The following ZC2HC1B variants were observed in gnomAD, a reference collection of about 807,000 sequenced individuals.
The protein encoded by ZC2HC1B is zinc finger C2HC domain-containing protein 1B.
ZC2HC1B carries 36 observed loss-of-function variants against 31.0 expected under a neutral mutation model. That is an observed-to-expected ratio of 1.16 (90% CI 0.89 to 1.54). The LOEUF (loss-of-function observed/expected upper bound fraction) is 1.54, where lower values mean the gene tolerates loss of function less well. Ranked by LOEUF, ZC2HC1B falls within the 40% of genes most tolerant of loss-of-function variation. The pLI, the probability that ZC2HC1B is intolerant of heterozygous loss-of-function variation, is 0.00. For synonymous variants in ZC2HC1B, 73 were observed against 88.0 expected (o/e 0.83, Z 0.95); for missense variants, 260 against 268.6 (o/e 0.97, Z 0.22).
chr6:143,890,519 C>T (rs1338885847), intron 4 of ZC2HC1B, among the ~76,000 whole-genome samples: 1 of 151,922 alleles, frequency 6.6e-6, no homozygotes, highest in African/African-American at 2.4e-5. Context: ...GAACACTTTC[C>T]CACTGAGATC....
intron 5 of ZC2HC1B, among the ~76,000 whole-genome samples, chr6:143,901,999 G>T (rs774967636): frequency 5.3e-5 from 8 of 152,236 alleles, no homozygotes; most frequent in Non-Finnish European, 1.0e-4. Flanking sequence ...GCAAACGGAA[G>T]TGTTTTTATT....
chr6:143,924,311 A>G lies in ZC2HC1B; in HGVS notation c.599-13338A>G, dbSNP rs1778011843. Among the ~76,000 whole-genome samples the G allele has an allele frequency of 1.3e-5, 2 of 151,492 alleles. No homozygotes were observed. The highest frequency in any genetic ancestry group is 4.8e-5 in the African/African-American group (2 of 41,282). ...TGTATCCTGCAATTTTACTAAATTC[A>G]TTTATTCTAGGAGTGTTTTTGGTGG... is the stretch of plus-strand genomic sequence containing the variant. On this transcript the variant is annotated intron_variant, in intron 6 of 7. Coordinates refer to ENST00000237275, the MANE Select transcript of ZC2HC1B (RefSeq NM_001013623.3). The surrounding 1 kb of genome is among the most constrained non-coding windows in gnomAD (Gnocchi z 5.2).
At chr6:143,920,876 A>G (rs905131065) in intron 6 of ZC2HC1B, among the ~76,000 whole-genome samples, 1 of 149,696 alleles carries the variant, frequency 6.7e-6, no homozygotes, top group African/African-American at 2.5e-5. Context: ...ACTGCACTCC[A>G]GCCTGACAAC....
chr6:143,918,614 G>A lies in ZC2HC1B; in HGVS notation c.598+15462G>A, dbSNP rs1166367108. On this transcript the variant is annotated intron_variant, in intron 6 of 7. Transcript: ENST00000237275. The surrounding 1 kb of genome is among the most constrained non-coding windows in gnomAD (Gnocchi z 4.1). The stretch of plus-strand genomic sequence containing the variant: ...TATAGTCATGTCTTTTGTTAAATCT[G>A]GCAAGTTTTCAGCCATTATTTCTCT... Among the ~76,000 whole-genome samples the A allele has an allele frequency of 6.6e-6, 1 of 152,026 alleles. No individual in the cohort carries two copies. The highest frequency in any genetic ancestry group is 1.5e-5 in the Non-Finnish European group (1 of 68,018).
intron 4 of ZC2HC1B, among the ~76,000 whole-genome samples, chr6:143,894,669 T>C (rs940153806): frequency 6.6e-6 from 1 of 152,220 alleles, no homozygotes; most frequent in Non-Finnish European, 1.5e-5. Context: ...AGTAGAAAGA[T>C]CTGTGCTGTG....
At position 143,898,825 on chromosome 6, in the gene ZC2HC1B, C is replaced by T. The variant is rs866280147; in HGVS notation, c.489+134C>T. On this transcript the variant is annotated intron_variant, in intron 5 of 7. Transcript: ENST00000237275. ...GAAGAGAGCTGATCATGATTGCTCA[C>T]CCCTGTGGGAGCTGACTTCTTTTGC... The T allele has an allele frequency of 3.9e-5, 45 of 1,163,612 alleles. No individual in the cohort carries two copies. The Middle Eastern group carries it at 2.2e-3, about 56-fold the overall frequency. The allele number at this position is 1,163,612 out of a possible 1,614,324, so 72.1% of individuals were successfully genotyped here. A position where few individuals can be genotyped will look rare whatever the true frequency, so the allele number is the denominator to read the frequency against.
chr6:143,900,073 C>A (rs937364759), intron 5 of ZC2HC1B, among the ~76,000 whole-genome samples: 3 of 151,986 alleles, frequency 2.0e-5, no homozygotes, highest in African/African-American at 7.3e-5. Context: ...ATCTGGGGAG[C>A]GAAAGCATAG....
chr6:143,925,697 A>C (rs1266127409), intron 6 of ZC2HC1B, among the ~76,000 whole-genome samples: 1 of 151,480 alleles, frequency 6.6e-6, no homozygotes, highest in African/African-American at 2.4e-5. Context: ...CCATCACACC[A>C]GGCTAATTTT....
intron 4 of ZC2HC1B, among the ~76,000 whole-genome samples, chr6:143,892,418 C>T (rs1777611519): frequency 6.6e-6 from 1 of 151,946 alleles, no homozygotes; most frequent in African/African-American, 2.4e-5. Context: ...ACCTCAGCCT[C>T]CTGAGTAGCT....
intron 1 of ZC2HC1B, among the ~76,000 whole-genome samples, chr6:143,873,829 C>T (rs1010765862): frequency 2.0e-5 from 3 of 152,174 alleles, no homozygotes; most frequent in Non-Finnish European, 4.4e-5. Flanking sequence ...GACCTCTGGG[C>T]GTTCGATGGG....
At chr6:143,864,938 C>T (rs1302584144) in intron 1 of ZC2HC1B, among the ~76,000 whole-genome samples, 1 of 152,124 alleles carries the variant, frequency 6.6e-6, no homozygotes, top group Non-Finnish European at 1.5e-5. Flanking sequence ...TCAAAAACAG[C>T]AAGAGTCTTA....
chr6:143,927,677 A>G (rs989461095), intron 6 of ZC2HC1B, among the ~76,000 whole-genome samples: 4 of 152,174 alleles, frequency 2.6e-5, no homozygotes, highest in Admixed American at 2.0e-4. Context: ...TTGCTGGATC[A>G]AAGGGTAGTT....
intron 6 of ZC2HC1B, among the ~76,000 whole-genome samples, chr6:143,931,251 G>T (rs1266241633): frequency 1.3e-5 from 2 of 151,916 alleles, no homozygotes; most frequent in African/African-American, 4.8e-5. Flanking sequence ...GTGGATTTTT[G>T]TCCATTCTGC....
chr6:143,875,540 G>A lies in ZC2HC1B; in HGVS notation c.29-8764G>A, dbSNP rs199875263. 2.4e-4 allele frequency among the ~76,000 whole-genome samples: 36 copies of A among 150,604 alleles called. 2 individuals are homozygous for A. The highest frequency in any genetic ancestry group is 6.6e-4 in the African/African-American group (27 of 40,768). The stretch of plus-strand genomic sequence containing the variant: ...GTCCCCAAATCTATAAATTCAGCCC[G>A]ATCCAACTCTATGTTCCTTCCACCA... On this transcript the variant is annotated intron_variant, in intron 1 of 7. Transcript: ENST00000237275.
chr6:143,933,671 A>G lies in ZC2HC1B; in HGVS notation c.599-3978A>G, dbSNP rs1778147687. On this transcript the variant is annotated intron_variant, in intron 6 of 7. Coordinates refer to ENST00000237275, the MANE Select transcript of ZC2HC1B (RefSeq NM_001013623.3). The surrounding 1 kb of genome is among the most constrained non-coding windows in gnomAD (Gnocchi z 6.4). ...AGTTGGCAAGGCCAGTCTCACTCCC[A>G]CCGTGCCCTGCTAACCGTGCCAAGT... 6.6e-6 allele frequency among the ~76,000 whole-genome samples: 1 copy of G among 152,108 alleles called. No individual in the cohort carries two copies. The highest frequency in any genetic ancestry group is 2.4e-5 in the African/African-American group (1 of 41,428).
chr6:143,886,981 AT>A lies in ZC2HC1B; in HGVS notation c.349+162del, dbSNP rs1415202818. Among the ~76,000 whole-genome samples the A allele has an allele frequency of 6.6e-6, 1 of 152,200 alleles. No homozygotes were observed. Among genetic ancestry groups the A allele is most frequent in the Non-Finnish European group, 1.5e-5 (1 of 68,034 alleles). Reference sequence around the variant, plus strand: ...CTATTTTTTTCAATTCTGCATAAAGATTCTGTGTTTCCTTCTAACTCTGTCT... The same window carrying A: ...CTATTTTTTTCAATTCTGCATAAAGATCTGTGTTTCCTTCTAACTCTGTCT... On this transcript the variant is annotated intron_variant, in intron 4 of 7. Transcript: ENST00000237275. The surrounding 1 kb of genome is among the most constrained non-coding windows in gnomAD (Gnocchi z 4.2).
At chr6:143,927,669 G>A (rs770367360) in intron 6 of ZC2HC1B, among the ~76,000 whole-genome samples, 2 of 152,144 alleles carry the variant, frequency 1.3e-5, no homozygotes, top group Non-Finnish European at 2.9e-5. Flanking sequence ...TAGTTGGATT[G>A]CTGGATCAAA....
intron 6 of ZC2HC1B, among the ~76,000 whole-genome samples, chr6:143,927,468 A>G (rs1344505852): frequency 6.6e-6 from 1 of 152,208 alleles, no homozygotes; most frequent in Admixed American, 6.5e-5. Flanking sequence ...ATGTAGCTGC[A>G]AAAGACATTA....
At chr6:143,878,396 T>A (rs1231980799) in intron 1 of ZC2HC1B, among the ~76,000 whole-genome samples, 1 of 150,486 alleles carries the variant, frequency 6.6e-6, no homozygotes, top group Non-Finnish European at 1.5e-5. Context: ...GAGGATCGCT[T>A]GAATCCAGGA....
Sources: gnomAD v4.1 joint callset for allele counts (sites outside exome capture counted in the v4.1 genomes callset) on GRCh38, gnomAD v4.1.1 for gene constraint, Gnocchi (gnomAD v3.1) non-coding constraint, MANE v1.5 for transcripts, NCBI Gene and HGNC (gene_info 2026-07-23, HGNC 2026-07-21) for gene names.